Variants in CFAP74 observed in about 807,000 individuals in gnomAD.
CFAP74 encodes the protein cilia and flagella associated protein 74.
Under a neutral mutation model 188.9 loss-of-function variants are expected in CFAP74, and 124 were observed. The ratio of observed to expected loss-of-function variants is 0.66; its 90% confidence interval spans 0.57 to 0.76. The LOEUF is 0.76. CFAP74 is among the 30% of genes least tolerant of loss of function. CFAP74 has a pLI of 0.00. For missense variants in CFAP74, 2,198 were observed against 2,165.2 expected, an observed-to-expected ratio of 1.02 and a Z score of -0.30; for synonymous variants, 956 against 916.7, an observed-to-expected ratio of 1.04 and a Z score of -0.77.
At chr1:1,962,030 C>T (rs1167738594) in intron 14 of CFAP74, among the ~76,000 whole-genome samples, 2 of 152,080 alleles carry the variant, frequency 1.3e-5, no homozygotes, top group Non-Finnish European at 2.9e-5. Context: ...CCTTGCTGAC[C>T]CTCTTTTGAG....
At chr1:1,955,365 C>G (rs1654524888) in intron 18 of CFAP74, 1 of 1,344,746 alleles carries the variant, frequency 7.4e-7, no homozygotes, top group Admixed American at 2.2e-5. Flanking sequence ...AGACAGAAGC[C>G]CCCCGCAGCC....
At chr1:1,987,891 TC>T in intron 4 of CFAP74, 1 of 326,686 alleles carries the variant, frequency 3.1e-6, no homozygotes, top group South Asian at 2.4e-5. Context: ...AGGAGGGAAA[TC>T]GTAGTTTCCC....
chr1:1,997,645 C>T (rs925723217), intron 1 of CFAP74, among the ~76,000 whole-genome samples: 3 of 151,916 alleles, frequency 2.0e-5, no homozygotes, highest in East Asian at 1.9e-4. Flanking sequence ...GAAAAGCTAC[C>T]GTTTATAATC....
chr1:1,944,761 C>A (rs1011523571), intron 20 of CFAP74, among the ~76,000 whole-genome samples: 1 of 152,078 alleles, frequency 6.6e-6, no homozygotes, highest in African/African-American at 2.4e-5. Context: ...CGCCCGCCAC[C>A]ATGCCAGGCT....
intron 1 of CFAP74, among the ~76,000 whole-genome samples, chr1:1,995,500 G>GAA (rs34447221): frequency 7.1e-6 from 1 of 140,860 alleles, no homozygotes; most frequent in Non-Finnish European, 1.6e-5. Context: ...TCAAAAAAAA[G>GAA]AAAAAAAAAA....
At chr1:1,994,909 C>T (rs565527710) in intron 1 of CFAP74, among the ~76,000 whole-genome samples, 1 of 152,128 alleles carries the variant, frequency 6.6e-6, no homozygotes, top group Non-Finnish European at 1.5e-5. Context: ...CAAAGAGAAG[C>T]GGGAGGTGGA....
intron 6 of CFAP74, among the ~76,000 whole-genome samples, chr1:1,977,614 A>C (rs1015988790): frequency 6.6e-6 from 1 of 152,190 alleles, no homozygotes; most frequent in Non-Finnish European, 1.5e-5. Flanking sequence ...TGTGGGAATG[A>C]ATTCCAACCC....
chr1:1,931,563 C>A (rs1383150379), intron 25 of CFAP74, among the ~76,000 whole-genome samples: 1 of 138,438 alleles, frequency 7.2e-6, no homozygotes. Context: ...GGCGAAACCC[C>A]GTCGCTACTA....
At position 1,964,993 on chromosome 1, in the gene CFAP74, G is replaced by A; in HGVS notation, c.1470C>T (p.Arg490=). The change falls in exon 13 of 39, where the codon CGC becomes CGT. Residue 490 remains arginine, a synonymous_variant. Transcript: ENST00000682832. ...CCCTGCTCCGCAGCCGCTCCACCGTGCGCTCCAGGATGTCCTTGTCCATCT... is the reference window on the plus strand; with the variant it reads ...CCCTGCTCCGCAGCCGCTCCACCGTACGCTCCAGGATGTCCTTGTCCATCT... ...GTKMDKDILE[R]TVERLRSRVV... The A allele has an allele frequency of 6.2e-7, 1 of 1,613,934 alleles. No homozygotes were observed. Among genetic ancestry groups the A allele is most frequent in the South Asian group, 1.1e-5 (1 of 91,058 alleles).
chr1:1,973,479 G>A lies in CFAP74; in HGVS notation c.675-432C>T, dbSNP rs1458169343. Among the ~76,000 whole-genome samples, 1 of 152,142 alleles carries A rather than the reference G, an allele frequency of 6.6e-6. No individual in the cohort carries two copies. The highest frequency in any genetic ancestry group is 1.5e-5 in the Non-Finnish European group (1 of 68,020). On this transcript the variant is annotated intron_variant, in intron 7 of 38. Transcript: ENST00000682832. The surrounding 1 kb of genome is among the most constrained non-coding windows in gnomAD (Gnocchi z 6.2). Reference sequence around the variant, plus strand: ...GGGATGGAGGCCAGAAGGGGGTCCCGAGGAGAGAGGCTCACGGCAGGTTGG... The same window carrying A: ...GGGATGGAGGCCAGAAGGGGGTCCCAAGGAGAGAGGCTCACGGCAGGTTGG...
chr1:1,955,884 G>A (rs1376956594), intron 17 of CFAP74, 34 bp from the exon 18 acceptor site: 1 of 1,586,402 alleles, frequency 6.3e-7, no homozygotes, highest in Admixed American at 1.7e-5. Context: ...GGCTTGGGAG[G>A]TTTCCCACCT....
intron 12 of CFAP74, 71 bp downstream of exon 12, chr1:1,966,300 T>G: frequency 4.4e-6 from 6 of 1,358,286 alleles, no homozygotes; most frequent in Admixed American, 2.6e-5. Context: ...GGGGCAGGCG[T>G]GGGAGGTGGC....
chr1:1,931,204 C>T (rs1252604331), intron 25 of CFAP74, among the ~76,000 whole-genome samples: 7 of 151,872 alleles, frequency 4.6e-5, no homozygotes, highest in Admixed American at 1.3e-4. Flanking sequence ...CCGAGGAGGG[C>T]GGATCACGAG....
chr1:1,955,695 G>T lies in CFAP74; in HGVS notation c.2172C>A (p.Pro724=). The stretch of plus-strand genomic sequence containing the variant: ...TGGCCTGGCAGCCTGGCTCACCTGC[G>T]GGCTGCTCCTCCTCCTGCTCCTTGT... ...KLDKEQEEEQ[P]AEPERLTTVI... Residue 724 remains proline, a synonymous_variant, in exon 18 of 39, where the codon CCC becomes CCA. Coordinates refer to ENST00000682832, the MANE Select transcript of CFAP74 (RefSeq NM_001304360.2). 4.3e-6 allele frequency: 7 copies of T among 1,613,932 alleles called. No homozygotes were observed. Among genetic ancestry groups the T allele is most frequent in the Non-Finnish European group, 5.9e-6 (7 of 1,179,952 alleles).
chr1:1,945,938 T>A (rs2102051050), intron 20 of CFAP74, among the ~76,000 whole-genome samples: 1 of 125,060 alleles, frequency 8.0e-6, no homozygotes, highest in Middle Eastern at 4.9e-3. Context: ...TGTGTGCACG[T>A]GTGTGTGGGG....
At chr1:2,000,301 G>A (rs573766561) in intron 1 of CFAP74, among the ~76,000 whole-genome samples, 3 of 152,240 alleles carry the variant, frequency 2.0e-5, no homozygotes, top group African/African-American at 4.8e-5. Context: ...GGCAAAAGAC[G>A]TCAACAGGCA....
At chr1:1,996,387 T>C (rs1657913337) in intron 1 of CFAP74, among the ~76,000 whole-genome samples, 1 of 152,092 alleles carries the variant, frequency 6.6e-6, no homozygotes, top group South Asian at 2.1e-4. Context: ...AGTGGAGTTG[T>C]CTAGAAACAG....
intron 6 of CFAP74, chr1:1,984,643 G>A (rs1657121105): frequency 6.5e-6 from 1 of 152,692 alleles, no homozygotes; most frequent in African/African-American, 2.4e-5. Context: ...AGCAAGTGTG[G>A]GTCAGAGACT....
chr1:1,922,223 G>T lies in CFAP74; in HGVS notation c.*64C>A. The T allele has an allele frequency of 8.1e-7, 1 of 1,233,068 alleles. No individual in the cohort carries two copies. The highest frequency in any genetic ancestry group is 1.2e-6 in the Non-Finnish European group (1 of 848,614). 76.4% of individuals were successfully genotyped at this position (1,233,068 alleles called of 1,614,324 possible). A position where few individuals can be genotyped will look rare whatever the true frequency, so the allele number is the denominator to read the frequency against. The stretch of plus-strand genomic sequence containing the variant: ...CCAGGCTCTAGGGTAGTATGACCTG[G>T]CCCTCAGCCTGGGGAGGGCTTTGAG... On this transcript the variant is annotated 3_prime_UTR_variant, in exon 39 of 39. Coordinates refer to ENST00000682832, the MANE Select transcript of CFAP74 (RefSeq NM_001304360.2).
Sources: allele counts gnomAD v4.1 joint callset (sites outside exome capture counted in the v4.1 genomes callset), GRCh38; gene constraint gnomAD v4.1.1; non-coding constraint Gnocchi (gnomAD v3.1); transcripts MANE v1.5; gene names NCBI Gene and HGNC (gene_info 2026-07-23, HGNC 2026-07-21).